The following PABPN1L variants were observed in gnomAD, a reference collection of about 807,000 sequenced individuals.
PABPN1L encodes the protein embryonic polyadenylate-binding protein 2.
In PABPN1L, 45 loss-of-function variants were observed where a neutral mutation model predicts 34.0. That is an observed-to-expected ratio of 1.32 (90% CI 1.04 to 1.70). PABPN1L has a LOEUF of 1.70. Among genes scored for constraint, PABPN1L ranks in the 40% most tolerant of loss-of-function variants. PABPN1L has a pLI of 0.00. For synonymous variants in PABPN1L, 182 were observed against 152.1 expected (o/e 1.20, Z -1.45); for missense variants, 459 against 367.8 (o/e 1.25, Z -2.03).
At chr16:88,864,158 G>C in intron 6 of PABPN1L, 79 bp downstream of exon 6, 1 of 1,460,112 alleles carries the variant, frequency 6.8e-7, no homozygotes, top group Non-Finnish European at 9.1e-7. Flanking sequence ...TGAGGAACGA[G>C]CTCAGGGACC....
chr16:88,865,276 A>G, intron 3 of PABPN1L, 148 bp from the exon 4 acceptor site: 2 of 827,496 alleles, frequency 2.4e-6, no homozygotes, highest in African/African-American at 3.5e-5. Context: ...CTGGGGTTGG[A>G]GGGAAGAGAG....
At position 88,865,009 on chromosome 16, in the gene PABPN1L, GC is replaced by G; in HGVS notation, c.566+12del. The G allele has an allele frequency of 6.3e-7, 1 of 1,599,080 alleles. No homozygotes were observed. The highest frequency in any genetic ancestry group is 2.3e-5 in the East Asian group (1 of 44,168). ...TCCGCATGGCCAGTGCCCCCACCAG[GC>G]CCCACACTGACCCCTTGGGGTGTCC... On this transcript the variant is annotated intron_variant, in intron 4 of 6. Coordinates refer to ENST00000419291, the Ensembl canonical transcript of PABPN1L.
At chr16:88,866,196 C>CG (rs1023705353) in intron 1 of PABPN1L, among the ~76,000 whole-genome samples, 156 bp downstream of exon 1, 3 of 152,194 alleles carry the variant, frequency 2.0e-5, no homozygotes, top group African/African-American at 4.8e-5. Flanking sequence ...TGGCTGGGGG[C>CG]GGGGGGTCTC....
chr16:88,863,468 T>C lies in PABPN1L; in HGVS notation c.*288A>G, dbSNP rs1016988717. The stretch of plus-strand genomic sequence containing the variant: ...GCTGGCCTGGCACTGCCTGGGACTC[T>C]GCTCCTCCCCTCCCTCAACACCCAG... On this transcript the variant is annotated 3_prime_UTR_variant, in exon 7 of 7. Transcript: ENST00000419291. The C allele has an allele frequency of 5.4e-6, 3 of 556,070 alleles. No individual in the cohort carries two copies. In the Middle Eastern group the frequency reaches 1.4e-3, roughly 268 times the overall value. The allele number at this position is 556,070 out of a possible 1,614,324, so 34.4% of individuals were successfully genotyped here.
rs570719832 is a variant in PABPN1L at position 88,865,920 on chromosome 16, T to A, written c.277A>T (p.Lys93Ter). ...TCGGCCTGCTCCATGGCACACACCT[T>A]CATCTTGATGGCCTCCAGCTCCTGC... Residue 93 changes from lysine (K) to a stop codon, truncating the protein, a stop_gained, in exon 2 of 7, where the codon AAG (lysine) becomes TAG (stop). Transcript: ENST00000419291. LOFTEE classifies it high-confidence loss of function. 11 of 1,608,166 alleles carry A rather than the reference T, an allele frequency of 6.8e-6. No individual in the cohort carries two copies. In the Admixed American group the frequency reaches 1.3e-4, roughly 20 times the overall value.
exon 7 of PABPN1L, chr16:88,863,392 T>A (rs1363614840): frequency 2.5e-6 from 1 of 398,040 alleles, no homozygotes; most frequent in Non-Finnish European, 4.6e-6. Context: ...GACACACGTT[T>A]CTATTTTTCT....
At chr16:88,866,936 A>G (rs1357005260), upstream of PABPN1L, among the ~76,000 whole-genome samples, 3 of 152,252 alleles carry the variant, frequency 2.0e-5, no homozygotes, top group Non-Finnish European at 4.4e-5. Context: ...ACACCTCAGC[A>G]GCATCCACAC....
At chr16:88,865,072 C>T in exon 4 of PABPN1L, 1 of 1,595,528 alleles carries the variant, frequency 6.3e-7, no homozygotes, top group South Asian at 1.1e-5. Context: ...CTCGGTGGAC[C>T]TCCCCACAGC....
intron 5 of PABPN1L, 44 bp from the exon 6 acceptor site, chr16:88,864,423 AGACCCAG>A (rs1331299499): frequency 7.2e-6 from 11 of 1,528,094 alleles, no homozygotes; most frequent in Non-Finnish European, 9.7e-6. Flanking sequence ...GGAGCAGCCG[AGACCCAG>A]CTCACAGCCC....
At chr16:88,869,322 CT>C (rs1422663407), upstream of PABPN1L, among the ~76,000 whole-genome samples, 1 of 152,222 alleles carries the variant, frequency 6.6e-6, no homozygotes, top group East Asian at 1.9e-4. Context: ...CCCTTCCCCT[CT>C]CCCTGGCTCC....
At chr16:88,864,176 G>A (rs1968522702) in intron 6 of PABPN1L, 61 bp downstream of exon 6, 1 of 1,503,398 alleles carries the variant, frequency 6.7e-7, no homozygotes, top group Non-Finnish European at 8.9e-7. Context: ...ACCCCCTCCT[G>A]CCCCTGATGC....
At chr16:88,865,898 G>A in exon 2 of PABPN1L, 1 of 1,609,422 alleles carries the variant, frequency 6.2e-7, no homozygotes, top group South Asian at 1.1e-5. Context: ...CGTCCCCTCG[G>A]CCTGCTCCAT....
intron 4 of PABPN1L, 37 bp from the exon 5 acceptor site, chr16:88,864,977 G>C (rs113046474): frequency 1.2e-6 from 2 of 1,600,858 alleles, no homozygotes; most frequent in Middle Eastern, 1.7e-4. Flanking sequence ...GGTGAGGCTG[G>C]GCCCTGTCCG....
chr16:88,865,972 C>T (rs748415565), intron 1 of PABPN1L, 31 bp from the exon 2 acceptor site: 2 of 1,589,664 alleles, frequency 1.3e-6, no homozygotes, highest in Non-Finnish European at 1.7e-6. Flanking sequence ...GCCGGGCAGG[C>T]AGCCTGCAGG....
chr16:88,863,882 T>G, intron 6 of PABPN1L, 87 bp from the exon 7 acceptor site: 1 of 1,336,020 alleles, frequency 7.5e-7, no homozygotes, highest in East Asian at 2.5e-5. Flanking sequence ...AGGATAAGGA[T>G]GCAGGGAGGT....
intron 6 of PABPN1L, 67 bp downstream of exon 6, chr16:88,864,170 C>T (rs1968522113): frequency 6.7e-7 from 1 of 1,488,148 alleles, no homozygotes; most frequent in Non-Finnish European, 9.0e-7. Context: ...TCAGGGACCC[C>T]CTCCTGCCCC....
intron 6 of PABPN1L, 69 bp downstream of exon 6, chr16:88,864,168 C>T (rs1163750055): frequency 6.7e-7 from 1 of 1,483,848 alleles, no homozygotes; most frequent in Non-Finnish European, 9.0e-7. Flanking sequence ...GCTCAGGGAC[C>T]CCCTCCTGCC....
At chr16:88,864,414 G>T in intron 5 of PABPN1L, 35 bp from the exon 6 acceptor site, 1 of 1,539,636 alleles carries the variant, frequency 6.5e-7, no homozygotes, top group Non-Finnish European at 8.8e-7. Flanking sequence ...CCTCCTCAAG[G>T]AGCAGCCGAG....
chr16:88,867,900 G>A (rs899719543), upstream of PABPN1L, among the ~76,000 whole-genome samples: 5 of 152,186 alleles, frequency 3.3e-5, no homozygotes, highest in African/African-American at 1.2e-4. Flanking sequence ...TGGGAGACGG[G>A]GCCCCCTGCA....
Sources: allele counts gnomAD v4.1 joint callset (sites outside exome capture counted in the v4.1 genomes callset), GRCh38; gene constraint gnomAD v4.1.1; transcripts MANE v1.5; gene names NCBI Gene and HGNC (gene_info 2026-07-23, HGNC 2026-07-21).